Variants in TET3 observed in about 807,000 individuals in gnomAD.
TET3 encodes methylcytosine dioxygenase TET3.
A neutral mutation model predicts 141.4 loss-of-function variants in TET3; 19 were observed. The ratio of observed to expected loss-of-function variants is 0.13; its 90% CI spans 0.09 to 0.20. The LOEUF (loss-of-function observed/expected upper bound fraction) is 0.20. Among genes scored for constraint, TET3 ranks in the 10% least tolerant of loss-of-function variants. The pLI, the probability that TET3 is intolerant of heterozygous loss-of-function variation, is 1.00. For synonymous variants in TET3, 1,043 were observed against 980.9 expected (o/e 1.06, Z -1.18); for missense variants, 1,874 against 2,356.9 (o/e 0.80, Z 4.24).
chr2:74,014,257 C>T (rs1012722306), intron 3 of TET3, among the ~76,000 whole-genome samples: 1 of 152,136 alleles, frequency 6.6e-6, no homozygotes, highest in Admixed American at 6.5e-5. Context: ...ATAACAAATA[C>T]ATTTAAAAAT....
In TET3 at chr2:74,048,264, A is replaced by T. The variant is rs1419283888; in HGVS notation, c.2347A>T (p.Thr783Ser). 6.2e-7 allele frequency: 1 copy of T among 1,613,860 alleles called. No homozygotes were observed. Among genetic ancestry groups the T allele is most frequent in the Non-Finnish European group, 8.5e-7 (1 of 1,179,856 alleles). Residue 783 changes from threonine to serine, a missense_variant, in exon 4 of 12, where the codon ACA becomes TCA. Around this residue, in one of 10 missense-constraint regions of TET3, gnomAD observed 83 missense variants for 107.0 expected, o/e 0.78. Transcript: ENST00000409262. ...FHSEEGGQEA[T>S]PTKAENPLTP... ...TTCAGAGGAGGGAGGACAGGAGGCC[A>T]CACCCACCAAGGCTGAGAACCCACT...
At chr2:74,058,676 C>T (rs899588409) in intron 4 of TET3, among the ~76,000 whole-genome samples, 2 of 151,710 alleles carry the variant, frequency 1.3e-5, no homozygotes, top group African/African-American at 4.8e-5. Context: ...GTGTACAGCT[C>T]AATACAGTTT....
chr2:74,101,831 C>T lies in TET3; in HGVS notation c.5043C>T (p.Pro1681=), dbSNP rs775149122. The change falls in exon 12 of 12, where the codon CCC becomes CCT. Residue 1681 remains proline (P), a synonymous_variant. Coordinates refer to ENST00000409262, the MANE Select transcript of TET3 (RefSeq NM_001287491.2). This position sits in a 1 kb window ranked among gnomAD's most constrained non-coding sequence, Gnocchi z 8.5. Reference sequence around the variant, plus strand: ...ACGCCACCACGCCGCTTAAGAAGCCCAACCGCTGCCACCCCACCCGCATCT... The same window carrying T: ...ACGCCACCACGCCGCTTAAGAAGCCTAACCGCTGCCACCCCACCCGCATCT... ...ELHATTPLKK[P]NRCHPTRISL... 7.4e-6 allele frequency: 12 copies of T among 1,612,886 alleles called. No homozygotes were observed. Among genetic ancestry groups the T allele is most frequent in the South Asian group, 1.1e-5 (1 of 91,090 alleles).
intron 5 of TET3, among the ~76,000 whole-genome samples, chr2:74,075,225 C>T (rs1277176256): frequency 6.6e-6 from 1 of 151,850 alleles, no homozygotes; most frequent in Non-Finnish European, 1.5e-5. Flanking sequence ...CATATGCTTG[C>T]CCATACATAT....
chr2:74,035,692 A>C (rs1189571983), intron 3 of TET3, among the ~76,000 whole-genome samples: 1 of 152,010 alleles, frequency 6.6e-6, no homozygotes, highest in Non-Finnish European at 1.5e-5. Context: ...GTGCCATTGC[A>C]CTCCAGCCTG....
chr2:74,085,171 T>C (rs1350257832), intron 6 of TET3, among the ~76,000 whole-genome samples: 2 of 151,770 alleles, frequency 1.3e-5, no homozygotes, highest in African/African-American at 4.8e-5. Context: ...AAAAGAAAAT[T>C]GGAGCACTCA....
Position 74,067,023 on chromosome 2 carries a change from G to A in TET3, c.2495-6526G>A, listed in dbSNP as rs527785579. 3.9e-5 allele frequency among the ~76,000 whole-genome samples: 6 copies of A among 152,148 alleles called. No homozygotes were observed. In the South Asian group the frequency reaches 6.2e-4, roughly 16 times the overall value. ...TTATGTTCTATTTTCTGTATACCGT[G>A]TGGTCTCCTAGCACCTATAAAGAGC... is the stretch of plus-strand genomic sequence containing the variant. On this transcript the variant is annotated intron_variant, in intron 4 of 11. Transcript: ENST00000409262.
intron 2 of TET3, among the ~76,000 whole-genome samples, chr2:73,988,951 C>A (rs1449728965): frequency 3.0e-4 from 27 of 90,956 alleles, no homozygotes; most frequent in South Asian, 6.9e-4. Flanking sequence ...TGGTAAAATA[C>A]AAAATGGTAA....
chr2:74,119,480 AC>A, the TET3 span, among the ~76,000 whole-genome samples: 1 of 152,088 alleles, frequency 6.6e-6, no homozygotes, highest in African/African-American at 2.4e-5. Context: ...TAGAAATACT[AC>A]CCAGATGATG....
intron 3 of TET3, among the ~76,000 whole-genome samples, chr2:74,028,829 CA>C (rs1209993207): frequency 6.6e-6 from 1 of 152,184 alleles, no homozygotes; most frequent in Non-Finnish European, 1.5e-5. Flanking sequence ...ATGACAATGT[CA>C]AATTGTGATA....
intron 4 of TET3, among the ~76,000 whole-genome samples, chr2:74,052,652 A>G (rs1688008275): frequency 6.6e-6 from 1 of 151,686 alleles, no homozygotes; most frequent in Admixed American, 6.6e-5. Context: ...CGGGCAGATC[A>G]TGAGGTCAGG....
At chr2:74,122,795 T>A in the TET3 span, among the ~76,000 whole-genome samples, 2 of 150,584 alleles carry the variant, frequency 1.3e-5, no homozygotes, top group Non-Finnish European at 3.0e-5. Context: ...CCTGACCCTG[T>A]GATCGGCCTG....
chr2:74,073,177 C>T (rs1325229487), intron 4 of TET3, among the ~76,000 whole-genome samples: 1 of 152,148 alleles, frequency 6.6e-6, no homozygotes, highest in Non-Finnish European at 1.5e-5. Flanking sequence ...AGGGAAGTAG[C>T]TTGCTGACCC....
At chr2:74,095,248 T>G (rs765887798) in intron 10 of TET3, among the ~76,000 whole-genome samples, 1 of 152,126 alleles carries the variant, frequency 6.6e-6, no homozygotes, top group Non-Finnish European at 1.5e-5. Flanking sequence ...CATCCAAGAC[T>G]GAGAAGCAAG....
At chr2:74,009,139 C>A (rs1472274977) in intron 3 of TET3, among the ~76,000 whole-genome samples, 3 of 152,192 alleles carry the variant, frequency 2.0e-5, no homozygotes, top group African/African-American at 7.2e-5. Flanking sequence ...GGCCTTGGTT[C>A]CTAGCCCTGC....
the TET3 span, among the ~76,000 whole-genome samples, chr2:74,130,119 T>C: frequency 6.7e-6 from 1 of 150,224 alleles, no homozygotes; most frequent in African/African-American, 2.4e-5. Flanking sequence ...AAAAGTTGGC[T>C]TTAGTATAGA....
chr2:74,071,273 G>C (rs1331141800), intron 4 of TET3, among the ~76,000 whole-genome samples: 2 of 152,148 alleles, frequency 1.3e-5, no homozygotes, highest in African/African-American at 4.8e-5. Context: ...TCCCATTGGG[G>C]ATTAGGCTTC....
At chr2:73,990,503 A>G (rs545449080) in intron 2 of TET3, among the ~76,000 whole-genome samples, 10 of 152,302 alleles carry the variant, frequency 6.6e-5, no homozygotes, top group East Asian at 5.8e-4. Flanking sequence ...AGGAGTCACT[A>G]TGGTCCTAGG....
At chr2:74,094,663 G>C (rs72818006) in intron 10 of TET3, among the ~76,000 whole-genome samples, 49 of 152,222 alleles carry the variant, frequency 3.2e-4, no homozygotes, top group Non-Finnish European at 6.2e-4. Context: ...GGGCAGGAGT[G>C]GGGGGAGGTG....
Sources: allele counts gnomAD v4.1 joint callset (sites outside exome capture counted in the v4.1 genomes callset), GRCh38; gene constraint gnomAD v4.1.1; regional missense constraint gnomAD v4.1.1; non-coding constraint Gnocchi (gnomAD v3.1); transcripts MANE v1.5; gene names NCBI Gene and HGNC (gene_info 2026-07-23, HGNC 2026-07-21).